The following SUGCT variants were observed in gnomAD, a reference collection of about 807,000 sequenced individuals.
SUGCT encodes succinyl-CoA:glutarate-CoA transferase.
A neutral mutation model predicts 55.0 loss-of-function variants in SUGCT; 41 were observed. The ratio of observed to expected loss-of-function variants is 0.74; its 90% CI spans 0.58 to 0.97. The LOEUF is 0.97. SUGCT is among the 50% of genes least tolerant of loss of function. SUGCT has a pLI of 0.00. For synonymous variants in SUGCT, 187 were observed against 200.4 expected, an observed-to-expected ratio of 0.93 and a Z score of 0.56; for missense variants, 568 against 547.8, an observed-to-expected ratio of 1.04 and a Z score of -0.37.
chr7:40,581,509 T>C (rs1263259100), intron 12 of SUGCT, among the ~76,000 whole-genome samples: 2 of 152,184 alleles, frequency 1.3e-5, no homozygotes, highest in Non-Finnish European at 2.9e-5. Flanking sequence ...GGGAAAGATG[T>C]GGAAATTAAT....
chr7:40,984,556 C>T, the SUGCT span, among the ~76,000 whole-genome samples: 4 of 152,216 alleles, frequency 2.6e-5, no homozygotes, highest in African/African-American at 9.6e-5. Flanking sequence ...TCTAATAAGT[C>T]GGGCAGATAG....
chr7:40,908,141 G>T, the SUGCT span, among the ~76,000 whole-genome samples: 6 of 151,998 alleles, frequency 3.9e-5, no homozygotes, highest in Non-Finnish European at 8.8e-5. Flanking sequence ...CACTTTGGGA[G>T]GCTGAGGCAG....
intron 12 of SUGCT, among the ~76,000 whole-genome samples, chr7:40,520,897 A>G (rs1045117474): frequency 6.6e-6 from 1 of 152,178 alleles, no homozygotes; most frequent in Non-Finnish European, 1.5e-5. Context: ...TCTTGTATTT[A>G]TCCTTCAGAT....
intron 9 of SUGCT, among the ~76,000 whole-genome samples, chr7:40,385,089 C>T (rs1409544174): frequency 6.6e-6 from 1 of 152,100 alleles, no homozygotes; most frequent in African/African-American, 2.4e-5. Context: ...TCATAACATT[C>T]TAGGGAATTG....
intron 12 of SUGCT, among the ~76,000 whole-genome samples, chr7:40,706,251 A>C (rs905648394): frequency 1.3e-5 from 2 of 152,210 alleles, no homozygotes; most frequent in Non-Finnish European, 2.9e-5. Context: ...TCATGCCTGT[A>C]ATCCCAATAC....
chr7:40,420,464 G>A (rs1028509746), intron 9 of SUGCT, among the ~76,000 whole-genome samples: 2 of 151,898 alleles, frequency 1.3e-5, no homozygotes, highest in African/African-American at 4.8e-5. Context: ...TCAGCCTCCC[G>A]AGTAGCTGGG....
chr7:40,911,560 C>T, the SUGCT span, among the ~76,000 whole-genome samples: 6 of 118,210 alleles, frequency 5.1e-5, no homozygotes, highest in Admixed American at 1.8e-4. Flanking sequence ...AGAGTGAGAC[C>T]CTGTCTCAAA....
chr7:40,469,881 C>A (rs567470359), intron 11 of SUGCT, among the ~76,000 whole-genome samples: 2 of 152,164 alleles, frequency 1.3e-5, no homozygotes, highest in African/African-American at 4.8e-5. Flanking sequence ...ACATTTAATA[C>A]CCTCGTTTCT....
intron 5 of SUGCT, among the ~76,000 whole-genome samples, chr7:40,191,922 A>T (rs1223028439): frequency 6.6e-6 from 1 of 152,072 alleles, no homozygotes; most frequent in Non-Finnish European, 1.5e-5. Flanking sequence ...AGCCTGGCCA[A>T]CATGGTGAAA....
chr7:40,420,324 T>TTTTTTTG (rs1319566595), intron 9 of SUGCT, among the ~76,000 whole-genome samples: 1 of 151,842 alleles, frequency 6.6e-6, no homozygotes, highest in Non-Finnish European at 1.5e-5. Context: ...AGTATGTAGT[T>TTTTTTTG]TTTTTTGTTT....
chr7:40,670,358 T>A (rs1198414106), intron 12 of SUGCT, among the ~76,000 whole-genome samples: 2 of 151,676 alleles, frequency 1.3e-5, no homozygotes, highest in South Asian at 2.1e-4. Context: ...AGAAAATCAA[T>A]GAAACAAAGG....
the SUGCT span, among the ~76,000 whole-genome samples, chr7:41,017,433 G>A: frequency 6.6e-6 from 1 of 152,274 alleles, no homozygotes; most frequent in South Asian, 2.1e-4. Flanking sequence ...TCACATCAAG[G>A]ATATCAAAGA....
chr7:40,681,241 C>T (rs1414130623), intron 12 of SUGCT, among the ~76,000 whole-genome samples: 1 of 152,054 alleles, frequency 6.6e-6, no homozygotes, highest in Non-Finnish European at 1.5e-5. Context: ...AAACCAAAGC[C>T]TAATTAGAGG....
intron 12 of SUGCT, among the ~76,000 whole-genome samples, chr7:40,557,159 A>G (rs1795597814): frequency 6.6e-6 from 1 of 152,226 alleles, no homozygotes; most frequent in Admixed American, 6.5e-5. Flanking sequence ...CTAATGTAAT[A>G]GAATTGAGAG....
At chr7:40,870,801 T>C in the SUGCT span, among the ~76,000 whole-genome samples, 1 of 152,244 alleles carries the variant, frequency 6.6e-6, no homozygotes, top group Non-Finnish European at 1.5e-5. Context: ...AATTATTTAT[T>C]TATATCAATA....
intron 12 of SUGCT, among the ~76,000 whole-genome samples, chr7:40,645,399 G>A (rs1462018428): frequency 6.6e-6 from 1 of 152,054 alleles, no homozygotes; most frequent in Admixed American, 6.5e-5. Flanking sequence ...AAAGGGCCGG[G>A]GACTAAGTGG....
At chr7:40,391,501 G>A (rs7784486) in intron 9 of SUGCT, among the ~76,000 whole-genome samples, 169 of 152,284 alleles carry the variant, frequency 1.1e-3, no homozygotes, top group African/African-American at 3.7e-3. Context: ...CTCAAAAGAA[G>A]ACATTTATGC....
intron 8 of SUGCT, among the ~76,000 whole-genome samples, chr7:40,292,963 G>T (rs1793882676): frequency 6.6e-6 from 1 of 151,914 alleles, no homozygotes; most frequent in Admixed American, 6.6e-5. Flanking sequence ...AAACCATATT[G>T]GTCACTTCAT....
At chr7:40,780,484 T>C (rs570686693) in intron 13 of SUGCT, among the ~76,000 whole-genome samples, 1 of 152,268 alleles carries the variant, frequency 6.6e-6, no homozygotes, top group South Asian at 2.1e-4. Context: ...TATCTGCTGA[T>C]CCCTCTGTCC....
Sources: gnomAD v4.1 joint callset for allele counts (sites outside exome capture counted in the v4.1 genomes callset) on GRCh38, gnomAD v4.1.1 for gene constraint, MANE v1.5 for transcripts, NCBI Gene and HGNC (gene_info 2026-07-23, HGNC 2026-07-21) for gene names.